Variants in PPP4R3B observed in about 807,000 individuals in gnomAD.
The protein encoded by PPP4R3B is serine/threonine-protein phosphatase 4 regulatory subunit 3B.
In PPP4R3B, 52 loss-of-function variants were observed where a neutral mutation model predicts 95.4. The observed-to-expected ratio is 0.54, with a 90% CI of 0.44 to 0.69. The LOEUF (loss-of-function observed/expected upper bound fraction) is 0.69. Among genes scored for constraint, PPP4R3B ranks in the 30% least tolerant of loss-of-function variants. The pLI is 0.00. For missense variants in PPP4R3B, 1,003 were observed against 1,005.9 expected, an observed-to-expected ratio of 1.00 and a Z score of 0.04; for synonymous variants, 407 against 343.9, an observed-to-expected ratio of 1.18 and a Z score of -2.03.
At chr2:55,570,351 C>A (rs918415495) in intron 12 of PPP4R3B, among the ~76,000 whole-genome samples, 1 of 152,198 alleles carries the variant, frequency 6.6e-6, no homozygotes, top group Admixed American at 6.5e-5. Flanking sequence ...GCTAAATATG[C>A]ACTGTGGCAG....
At chr2:55,574,593 G>C (rs1688404244) in intron 11 of PPP4R3B, among the ~76,000 whole-genome samples, 3 of 151,428 alleles carry the variant, frequency 2.0e-5, no homozygotes, top group African/African-American at 7.3e-5. Context: ...ATTACATCAA[G>C]ATTCTTTTTT....
At chr2:55,613,160 A>C (rs1459916077) in intron 2 of PPP4R3B, among the ~76,000 whole-genome samples, 3 of 152,166 alleles carry the variant, frequency 2.0e-5, no homozygotes, top group Non-Finnish European at 2.9e-5. Context: ...AAAATATGAA[A>C]AACCATGTCT....
intron 12 of PPP4R3B, among the ~76,000 whole-genome samples, chr2:55,569,523 G>C (rs780579854): frequency 8.5e-5 from 13 of 152,312 alleles, no homozygotes; most frequent in African/African-American, 2.9e-4. Context: ...GCAAATTAGT[G>C]AAAGTACTAA....
At position 55,549,719 on chromosome 2, in the gene PPP4R3B, C is replaced by CG. The variant is rs1685036302; in HGVS notation, c.*191_*192insC. The CG allele has an allele frequency of 3.7e-6, 2 of 547,782 alleles. No homozygotes were observed. The allele number at this position is 547,782 out of a possible 1,614,324, so 33.9% of individuals were successfully genotyped here. A position where few individuals can be genotyped will look rare whatever the true frequency, so the allele number is the denominator to read the frequency against. On this transcript the variant is annotated 3_prime_UTR_variant, in exon 17 of 17. Transcript: ENST00000616407. ...GCCTAAAAGGCAAACCCCTTAATTA[C>CG]TAGCAAGCAATCAAGTTCCTGGGAA...
At chr2:55,613,450 AT>A (rs895939483) in intron 2 of PPP4R3B, among the ~76,000 whole-genome samples, 3 of 151,998 alleles carry the variant, frequency 2.0e-5, no homozygotes, top group Non-Finnish European at 2.9e-5. Flanking sequence ...AAATGGTGTA[AT>A]TTTTTTAAAT....
At chr2:55,573,428 A>G (rs1688255653) in intron 12 of PPP4R3B, among the ~76,000 whole-genome samples, 191 bp downstream of exon 12, 1 of 152,210 alleles carries the variant, frequency 6.6e-6, no homozygotes, top group Admixed American at 6.5e-5. Flanking sequence ...ATTAAATCTA[A>G]ATGTGAGCAA....
intron 16 of PPP4R3B, among the ~76,000 whole-genome samples, chr2:55,553,872 T>A (rs950465513): frequency 6.6e-6 from 1 of 152,220 alleles, no homozygotes; most frequent in Non-Finnish European, 1.5e-5. Flanking sequence ...TTTGGGTTAT[T>A]CTTACTTTTT....
chr2:55,608,357 C>G (rs1356509460), intron 2 of PPP4R3B, among the ~76,000 whole-genome samples: 2 of 152,154 alleles, frequency 1.3e-5, no homozygotes, highest in Non-Finnish European at 2.9e-5. Context: ...ATACCAGAAA[C>G]TAAATGGGGT....
chr2:55,568,080 A>T (rs1211156926), intron 13 of PPP4R3B, 114 bp downstream of exon 13: 5 of 640,086 alleles, frequency 7.8e-6, no homozygotes, highest in Non-Finnish European at 1.2e-5. Flanking sequence ...CATGGAATAT[A>T]TAATTTCAGG....
intron 12 of PPP4R3B, among the ~76,000 whole-genome samples, chr2:55,573,343 A>G (rs927772469): frequency 6.6e-6 from 1 of 152,186 alleles, no homozygotes; most frequent in African/African-American, 2.4e-5. Context: ...TAGATGTAAA[A>G]AAACAGCAGG....
chr2:55,596,842 T>C (rs1691847860), intron 4 of PPP4R3B, among the ~76,000 whole-genome samples: 1 of 152,184 alleles, frequency 6.6e-6, no homozygotes. Flanking sequence ...CGTGTGCCTG[T>C]AATCCCAGCT....
intron 12 of PPP4R3B, among the ~76,000 whole-genome samples, chr2:55,569,735 G>A (rs762050536): frequency 2.6e-5 from 4 of 151,958 alleles, no homozygotes; most frequent in Non-Finnish European, 4.4e-5. Flanking sequence ...CCTGGCATTC[G>A]GGGCCACTAC....
chr2:55,554,856 AAG>A (rs1195418353), intron 16 of PPP4R3B, among the ~76,000 whole-genome samples: 1 of 152,202 alleles, frequency 6.6e-6, no homozygotes, highest in Non-Finnish European at 1.5e-5. Context: ...TTTTTTAAAA[AAG>A]AGTTTTAGAC....
At chr2:55,563,981 T>C in intron 15 of PPP4R3B, among the ~76,000 whole-genome samples, 1 of 151,986 alleles carries the variant, frequency 6.6e-6, no homozygotes, top group East Asian at 1.9e-4. Context: ...AAGGTTTCTA[T>C]GAAGCTATAT....
chr2:55,595,738 GA>G (rs11367361), intron 4 of PPP4R3B, among the ~76,000 whole-genome samples: 65,309 of 130,368 alleles, frequency 0.5, 15,879 homozygotes, highest in Non-Finnish European at 0.57. Context: ...AAAAGTACAT[GA>G]AAAAAAAAAA....
chr2:55,577,180 C>G, intron 11 of PPP4R3B, 135 bp downstream of exon 11: 1 of 1,145,708 alleles, frequency 8.7e-7, no homozygotes, highest in Non-Finnish European at 1.2e-6. Context: ...AGTGGAATTA[C>G]AAAAGTAAAT....
At chr2:55,572,311 T>G (rs1392508058) in intron 12 of PPP4R3B, among the ~76,000 whole-genome samples, 1 of 152,156 alleles carries the variant, frequency 6.6e-6, no homozygotes, top group Non-Finnish European at 1.5e-5. Context: ...TAAAGTTATC[T>G]GGAAAACAAT....
chr2:55,557,948 G>T (rs1420096253), intron 16 of PPP4R3B, among the ~76,000 whole-genome samples: 1 of 152,066 alleles, frequency 6.6e-6, no homozygotes. Flanking sequence ...CTTAACTAAA[G>T]ATTCATCGAC....
At chr2:55,613,450 A>G (rs906590238) in intron 2 of PPP4R3B, among the ~76,000 whole-genome samples, 1 of 151,998 alleles carries the variant, frequency 6.6e-6, no homozygotes, top group Non-Finnish European at 1.5e-5. Context: ...AAATGGTGTA[A>G]TTTTTTTAAA....
Sources: allele counts gnomAD v4.1 joint callset (sites outside exome capture counted in the v4.1 genomes callset), GRCh38; gene constraint gnomAD v4.1.1; transcripts MANE v1.5; gene names NCBI Gene and HGNC (gene_info 2026-07-23, HGNC 2026-07-21).